GRM7: variants seen among roughly 807,000 people sequenced by gnomAD.
GRM7 encodes the protein glutamate metabotropic receptor 7.
In GRM7, 35 loss-of-function variants were observed where a neutral mutation model predicts 84.5. The ratio of observed to expected loss-of-function variants is 0.41; its 90% CI spans 0.32 to 0.55. The LOEUF (loss-of-function observed/expected upper bound fraction) is 0.55, where lower values mean the gene tolerates loss of function less well. Ranked by LOEUF, GRM7 falls within the 20% of genes least tolerant of loss-of-function variation. The probability of loss-of-function intolerance (pLI) is 0.19; values close to 1 mark genes in which losing one functional copy is unlikely to be tolerated. For synonymous variants in GRM7, 487 were observed against 455.1 expected, an observed-to-expected ratio of 1.07 and a Z score of -0.89; for missense variants, 1,003 against 1,194.6, an observed-to-expected ratio of 0.84 and a Z score of 2.36.
chr3:7,305,931 T>C (rs1206228858), intron 3 of GRM7, among the ~76,000 whole-genome samples: 1 of 152,226 alleles, frequency 6.6e-6, no homozygotes, highest in African/African-American at 2.4e-5. Flanking sequence ...GTTCCCTTTT[T>C]TCTTTTATTT....
chr3:7,132,971 A>G (rs1199984219), intron 1 of GRM7, among the ~76,000 whole-genome samples: 1 of 152,154 alleles, frequency 6.6e-6, no homozygotes, highest in African/African-American at 2.4e-5. Context: ...TTACTAGAAC[A>G]TACTTATACA....
At chr3:7,468,435 T>C (rs557306428) in intron 7 of GRM7, among the ~76,000 whole-genome samples, 2 of 152,360 alleles carry the variant, frequency 1.3e-5, no homozygotes, top group East Asian at 3.9e-4. Context: ...AGCAGGCTTA[T>C]GGTAGTACCT....
intron 1 of GRM7, among the ~76,000 whole-genome samples, chr3:7,016,053 G>A (rs1472673273): frequency 6.6e-6 from 1 of 152,176 alleles, no homozygotes; most frequent in Non-Finnish European, 1.5e-5. Flanking sequence ...GTAAAGAATT[G>A]TCCAAAGTCA....
At chr3:7,012,347 T>C (rs935973387) in intron 1 of GRM7, among the ~76,000 whole-genome samples, 2 of 152,320 alleles carry the variant, frequency 1.3e-5, no homozygotes, top group Admixed American at 6.5e-5. Context: ...TTTTCAATTA[T>C]GTAAAATCTT....
At chr3:7,263,761 G>A (rs890346141) in intron 2 of GRM7, among the ~76,000 whole-genome samples, 1 of 152,148 alleles carries the variant, frequency 6.6e-6, no homozygotes, top group African/African-American at 2.4e-5. Context: ...CAGGGACAGG[G>A]CTGGTGCTCT....
chr3:7,524,832 A>T (rs1412277284), intron 7 of GRM7, among the ~76,000 whole-genome samples: 2 of 97,108 alleles, frequency 2.1e-5, no homozygotes, highest in Non-Finnish European at 4.0e-5. Flanking sequence ...TTATTGCGGC[A>T]CTATTCACAA....
intron 5 of GRM7, among the ~76,000 whole-genome samples, chr3:7,418,463 A>G (rs894434684): frequency 6.6e-6 from 1 of 152,144 alleles, no homozygotes. Flanking sequence ...TTTCTCATGG[A>G]GACAATGCTA....
At chr3:7,448,255 G>T (rs1273844824) in intron 5 of GRM7, among the ~76,000 whole-genome samples, 2 of 151,670 alleles carry the variant, frequency 1.3e-5, no homozygotes, top group African/African-American at 4.8e-5. Flanking sequence ...AGTCCTTTGG[G>T]TATATACCCA....
At chr3:7,086,245 C>G (rs1227225579) in intron 1 of GRM7, among the ~76,000 whole-genome samples, 2 of 151,862 alleles carry the variant, frequency 1.3e-5, no homozygotes, top group Non-Finnish European at 2.9e-5. Context: ...TCTAGCATGA[C>G]CATGTCAAAT....
At chr3:7,098,456 A>G (rs533938633) in intron 1 of GRM7, among the ~76,000 whole-genome samples, 4 of 152,156 alleles carry the variant, frequency 2.6e-5, no homozygotes, top group Admixed American at 2.6e-4. Flanking sequence ...AGATAATGCT[A>G]TTAAGAAATG....
At chr3:7,693,749 G>T (rs571203178) in intron 9 of GRM7, 11 of 994,066 alleles carry the variant, frequency 1.1e-5, no homozygotes, top group African/African-American at 1.6e-5. Context: ...GCCCACCAAT[G>T]AACTTAATGA....
intron 1 of GRM7, among the ~76,000 whole-genome samples, chr3:7,085,816 A>G (rs1209686098): frequency 6.6e-6 from 1 of 152,152 alleles, no homozygotes; most frequent in African/African-American, 2.4e-5. Context: ...TCCTCTTGGA[A>G]TATTGATCTT....
At chr3:7,056,275 C>T (rs1420749648) in intron 1 of GRM7, among the ~76,000 whole-genome samples, 2 of 151,962 alleles carry the variant, frequency 1.3e-5, no homozygotes, top group East Asian at 3.9e-4. Context: ...AGAGCTTCTA[C>T]AGGCATCGTG....
chr3:7,498,474 A>G (rs1699778295), intron 7 of GRM7, among the ~76,000 whole-genome samples: 1 of 152,152 alleles, frequency 6.6e-6, no homozygotes, highest in African/African-American at 2.4e-5. Context: ...TAAGCAAAAT[A>G]CCTTAGTTTA....
chr3:7,231,271 C>T (rs1265045349), intron 2 of GRM7, among the ~76,000 whole-genome samples: 2 of 152,090 alleles, frequency 1.3e-5, no homozygotes, highest in Non-Finnish European at 2.9e-5. Context: ...AGAACATGTA[C>T]CCTACAAAGA....
chr3:7,073,398 T>C (rs992321620), intron 1 of GRM7, among the ~76,000 whole-genome samples: 6 of 152,078 alleles, frequency 3.9e-5, no homozygotes, highest in Non-Finnish European at 7.4e-5. Flanking sequence ...TGGAAGACAC[T>C]CACAGTGTCT....
At chr3:7,346,566 C>CTA (rs1692904087) in intron 4 of GRM7, among the ~76,000 whole-genome samples, 1 of 152,064 alleles carries the variant, frequency 6.6e-6, no homozygotes, top group South Asian at 2.1e-4. Flanking sequence ...GGATGCCTAG[C>CTA]TATAACTGCA....
At chr3:7,266,045 C>T (rs80298034) in intron 2 of GRM7, among the ~76,000 whole-genome samples, 114 of 152,114 alleles carry the variant, frequency 7.5e-4, no homozygotes, top group African/African-American at 2.7e-3. Context: ...TGTGAGTCCC[C>T]GGTGCATCTC....
chr3:7,280,366 T>G (rs1699213908), intron 2 of GRM7, among the ~76,000 whole-genome samples: 1 of 152,200 alleles, frequency 6.6e-6, no homozygotes, highest in African/African-American at 2.4e-5. Context: ...TTTTCTCATT[T>G]GGTAAATGCA....
Sources: gnomAD v4.1 joint callset for allele counts (sites outside exome capture counted in the v4.1 genomes callset) on GRCh38, gnomAD v4.1.1 for gene constraint, MANE v1.5 for transcripts, NCBI Gene and HGNC (gene_info 2026-07-23, HGNC 2026-07-21) for gene names.